The following ARID1B variants were observed in gnomAD, a reference collection of about 807,000 sequenced individuals.
ARID1B encodes AT-rich interaction domain 1B.
In ARID1B, 30 loss-of-function variants were observed where a neutral mutation model predicts 212.3. The ratio of observed to expected loss-of-function variants is 0.14; its 90% CI spans 0.11 to 0.19. ARID1B has a LOEUF of 0.19. Ranked by LOEUF, ARID1B falls within the 10% of genes least tolerant of loss-of-function variation. The probability of loss-of-function intolerance (pLI) is 1.00; values close to 1 mark genes in which losing one functional copy is unlikely to be tolerated. For missense variants in ARID1B, 2,891 were observed against 3,204.0 expected, an observed-to-expected ratio of 0.90 and a Z score of 2.36; for synonymous variants, 1,402 against 1,301.7, an observed-to-expected ratio of 1.08 and a Z score of -1.66.
intron 6 of ARID1B, among the ~76,000 whole-genome samples, chr6:157,129,965 T>C (rs905207322): frequency 6.6e-6 from 1 of 152,122 alleles, no homozygotes; most frequent in Non-Finnish European, 1.5e-5. Flanking sequence ...GGTCAGGCGT[T>C]CGAGACCAGC....
Position 157,206,517 on chromosome 6 carries a change from C to A in ARID1B, c.5745C>A (p.Val1915=), listed in dbSNP as rs779375614. 5.5e-5 allele frequency: 88 copies of A among 1,613,994 alleles called. No individual in the cohort carries two copies. The highest frequency in any genetic ancestry group is 7.5e-5 in the Non-Finnish European group (88 of 1,180,038). ...SKFDKLPIKI[V]KKNNLFVVDR... ...TCGACAAGCTGCCAATAAAGATAGT[C>A]AAAAAGAACAACCTGTTTGTTGTTG... The change falls in exon 20 of 20, where the codon GTC becomes GTA. Residue 1915 remains valine, a synonymous_variant. Coordinates refer to ENST00000636930, the MANE Select transcript of ARID1B (RefSeq NM_001374828.1). The surrounding 1 kb of genome is among the most constrained non-coding windows in gnomAD (Gnocchi z 6.8).
intron 2 of ARID1B, among the ~76,000 whole-genome samples, chr6:156,870,777 C>T (rs370892233): frequency 2.0e-5 from 3 of 150,902 alleles, no homozygotes; most frequent in Admixed American, 1.3e-4. Flanking sequence ...CTAATTCTGT[C>T]GTATTGCACA....
intron 2 of ARID1B, among the ~76,000 whole-genome samples, chr6:156,899,721 G>A (rs531408039): frequency 2.0e-5 from 3 of 152,138 alleles, no homozygotes; most frequent in Non-Finnish European, 4.4e-5. Context: ...TCCTGTTGTT[G>A]TGTTGCTTAG....
intron 4 of ARID1B, among the ~76,000 whole-genome samples, chr6:157,037,596 TG>T (rs1781413430): frequency 6.6e-6 from 1 of 152,208 alleles, no homozygotes; most frequent in African/African-American, 2.4e-5. Context: ...GTTAAGTTTC[TG>T]TCTGTGTGGC....
At chr6:156,809,713 G>GA (rs370188789) in intron 1 of ARID1B, among the ~76,000 whole-genome samples, 7,743 of 104,442 alleles carry the variant, frequency 0.074, 431 homozygotes, top group African/African-American at 0.16. Flanking sequence ...CTTTTTCAAA[G>GA]AAAAAAAAAA....
rs1039286861 is a variant in ARID1B at position 156,777,447 on chromosome 6, G to A, written c.-234G>A. On this transcript the variant is annotated 5_prime_UTR_variant, in exon 1 of 20. Coordinates refer to ENST00000636930, the MANE Select transcript of ARID1B (RefSeq NM_001374828.1). ...CATATCCGGGCTAGAGAGGAAAAGA[G>A]AAAAGTTTCATTTAAACCTGAACTA... 1 of 150,810 alleles carries A rather than the reference G, an allele frequency of 6.6e-6. No homozygotes were observed. The highest frequency in any genetic ancestry group is 1.5e-5 in the Non-Finnish European group (1 of 67,664). 9.3% of individuals were successfully genotyped at this position (150,810 alleles called of 1,614,324 possible). A position where few individuals can be genotyped will look rare whatever the true frequency, so the allele number is the denominator to read the frequency against.
intron 1 of ARID1B, among the ~76,000 whole-genome samples, chr6:156,824,811 G>A (rs1782628517): frequency 6.6e-6 from 1 of 151,910 alleles, no homozygotes; most frequent in Non-Finnish European, 1.5e-5. Context: ...CAGGTTAGAT[G>A]TGCGTATGAG....
At chr6:157,049,981 A>G (rs1782486239) in intron 4 of ARID1B, among the ~76,000 whole-genome samples, 1 of 152,196 alleles carries the variant, frequency 6.6e-6, no homozygotes, top group Non-Finnish European at 1.5e-5. Flanking sequence ...ATGCTGCTAC[A>G]GTCCAAGAAT....
In ARID1B at chr6:156,778,388, C is replaced by A; in HGVS notation, c.708C>A (p.Asp236Glu). Residue 236 changes from aspartate (D) to glutamate (E), a missense_variant, in exon 1 of 20, where the codon GAC (aspartate) becomes GAA (glutamate). Coordinates refer to ENST00000636930, the MANE Select transcript of ARID1B (RefSeq NM_001374828.1). ...GCGGCGCGCCTCAGCCCGGCCCCGA[C>A]ATGGAGCAGCCGCAACATGGAGGCG... ...AGGGAPQPGPDMEQPQHGGAK... is the reference protein window; with the variant it reads ...AGGGAPQPGPEMEQPQHGGAK... 1 of 1,534,648 alleles carries A rather than the reference C, an allele frequency of 6.5e-7. No homozygotes were observed. Among genetic ancestry groups the A allele is most frequent in the Non-Finnish European group, 8.7e-7 (1 of 1,145,034 alleles).
chr6:157,162,988 G>A (rs971356127), intron 8 of ARID1B, among the ~76,000 whole-genome samples: 1 of 152,216 alleles, frequency 6.6e-6, no homozygotes, highest in South Asian at 2.1e-4. Flanking sequence ...CAAGGGTCTG[G>A]GGGGAGGCTT....
At chr6:156,825,157 A>T (rs1782656215) in intron 1 of ARID1B, among the ~76,000 whole-genome samples, 1 of 152,070 alleles carries the variant, frequency 6.6e-6, no homozygotes, top group Non-Finnish European at 1.5e-5. Flanking sequence ...GAGCCGCCGC[A>T]CTTGGCCAAT....
intron 3 of ARID1B, among the ~76,000 whole-genome samples, chr6:156,929,645 A>G (rs1366034032): frequency 6.6e-6 from 1 of 152,230 alleles, no homozygotes; most frequent in Non-Finnish European, 1.5e-5. Context: ...CTCTCTTCCT[A>G]GCATATCTAT....
chr6:156,977,075 A>T, intron 4 of ARID1B: 1 of 318,804 alleles, frequency 3.1e-6, no homozygotes, highest in Non-Finnish European at 5.9e-6. Flanking sequence ...TTTTCTAGGG[A>T]TGTAATACAT....
chr6:156,983,134 G>T (rs1195358845), intron 4 of ARID1B, among the ~76,000 whole-genome samples: 2 of 151,824 alleles, frequency 1.3e-5, no homozygotes, highest in Non-Finnish European at 2.9e-5. Context: ...CTGGCACAGT[G>T]GCTCACGCCT....
chr6:157,044,871 C>T (rs974618857), intron 4 of ARID1B, among the ~76,000 whole-genome samples: 16 of 152,144 alleles, frequency 1.1e-4, no homozygotes, highest in African/African-American at 2.7e-4. Context: ...TAGAGAGAGG[C>T]GTCCATCTTA....
chr6:156,777,361 C>G (rs1320669629), upstream of ARID1B: 1 of 151,490 alleles, frequency 6.6e-6, no homozygotes, highest in African/African-American at 2.4e-5. Context: ...GTTGCTCGAG[C>G]TCGCCCGCTG....
intron 4 of ARID1B, among the ~76,000 whole-genome samples, chr6:157,050,786 G>T (rs954437570): frequency 6.6e-6 from 1 of 152,072 alleles, no homozygotes; most frequent in Non-Finnish European, 1.5e-5. Flanking sequence ...CAGTGGAAAG[G>T]TTTATGATGT....
intron 1 of ARID1B, among the ~76,000 whole-genome samples, 177 bp from the exon 2 acceptor site, chr6:156,829,050 G>A (rs750612565): frequency 2.0e-5 from 3 of 152,094 alleles, no homozygotes; most frequent in Non-Finnish European, 2.9e-5. Flanking sequence ...AAAATTTCTT[G>A]TATCCATCTA....
At chr6:157,022,127 A>G (rs1487037654) in intron 4 of ARID1B, among the ~76,000 whole-genome samples, 2 of 150,560 alleles carry the variant, frequency 1.3e-5, no homozygotes, top group East Asian at 2.0e-4. Context: ...CAGGCCGCCA[A>G]GAACAGGGCG....
Sources: gnomAD v4.1 joint callset for allele counts (sites outside exome capture counted in the v4.1 genomes callset) on GRCh38, gnomAD v4.1.1 for gene constraint, Gnocchi (gnomAD v3.1) non-coding constraint, MANE v1.5 for transcripts, NCBI Gene and HGNC (gene_info 2026-07-23, HGNC 2026-07-21) for gene names.